POC1B: variants seen among roughly 807,000 people sequenced by gnomAD.
POC1B encodes the protein POC1 centriolar protein B.
In POC1B, 44 loss-of-function variants were observed where a neutral mutation model predicts 60.6. The ratio of observed to expected loss-of-function variants is 0.73; its 90% CI spans 0.57 to 0.93. The LOEUF (loss-of-function observed/expected upper bound fraction) is 0.93, where lower values mean the gene tolerates loss of function less well. Ranked by LOEUF, POC1B falls within the 40% of genes least tolerant of loss-of-function variation. POC1B has a pLI of 0.00. For missense variants in POC1B, 555 were observed against 572.3 expected (o/e 0.97, Z 0.31); for synonymous variants, 180 against 198.9 (o/e 0.90, Z 0.80).
intron 2 of POC1B, chr12:89,522,104 C>G: frequency 2.5e-6 from 1 of 398,964 alleles, no homozygotes; most frequent in Non-Finnish European, 4.4e-6. Flanking sequence ...TCAGAGGAAT[C>G]TGAGGTATTA....
intron 10 of POC1B, among the ~76,000 whole-genome samples, chr12:89,454,911 GC>G (rs1436337872): frequency 2.6e-5 from 4 of 151,602 alleles, no homozygotes; most frequent in Non-Finnish European, 5.9e-5. Flanking sequence ...GTGTGAGTAG[GC>G]ATCCTTCCTG....
At chr12:89,461,729 G>A (rs948969060) in intron 9 of POC1B, 1 of 152,114 alleles carries the variant, frequency 6.6e-6, no homozygotes, top group African/African-American at 2.4e-5. Flanking sequence ...AGTAAAGAAG[G>A]AATAAAGCTG....
At chr12:89,473,607 G>C (rs1292673552) in intron 4 of POC1B, among the ~76,000 whole-genome samples, 5 of 145,332 alleles carry the variant, frequency 3.4e-5, no homozygotes, top group African/African-American at 5.1e-5. Flanking sequence ...GTTGCAGTAA[G>C]CTGCGATTGT....
At chr12:89,502,423 C>T in intron 2 of POC1B, 1 of 1,405,478 alleles carries the variant, frequency 7.1e-7, no homozygotes, top group Non-Finnish European at 1.0e-6. Flanking sequence ...TAGTGGAATA[C>T]TATCTCCAGG....
intron 10 of POC1B, among the ~76,000 whole-genome samples, chr12:89,441,733 C>A (rs1324234170): frequency 1.3e-5 from 2 of 152,200 alleles, no homozygotes; most frequent in Non-Finnish European, 2.9e-5. Context: ...GAACGCAGCT[C>A]CTCGCCAGCA....
intron 4 of POC1B, among the ~76,000 whole-genome samples, chr12:89,487,181 G>T (rs951415195): frequency 2.6e-5 from 4 of 152,152 alleles, no homozygotes; most frequent in Non-Finnish European, 5.9e-5. Flanking sequence ...TCCAGGAGGG[G>T]ATGCTATGTT....
At chr12:89,512,663 G>A (rs573429891) in intron 2 of POC1B, among the ~76,000 whole-genome samples, 1 of 152,312 alleles carries the variant, frequency 6.6e-6, no homozygotes, top group South Asian at 2.1e-4. Flanking sequence ...GGCTGAGGGA[G>A]GCGGGCGGCT....
At chr12:89,481,341 A>C (rs1174483539) in intron 4 of POC1B, among the ~76,000 whole-genome samples, 1 of 152,184 alleles carries the variant, frequency 6.6e-6, no homozygotes, top group African/African-American at 2.4e-5. Context: ...CAACCATACA[A>C]CTGCCAAATA....
intron 2 of POC1B, chr12:89,524,827 A>C: frequency 1.6e-6 from 1 of 614,218 alleles, no homozygotes; most frequent in Admixed American, 3.0e-5. Context: ...CCCCGGGCCG[A>C]GGAGAAACCC....
intron 7 of POC1B, among the ~76,000 whole-genome samples, chr12:89,470,041 T>G (rs993044473): frequency 8.6e-5 from 13 of 152,014 alleles, no homozygotes; most frequent in Admixed American, 7.9e-4. Context: ...CTGGCTAATT[T>G]TTTGTATTTT....
rs1224601632 is a variant in POC1B at position 89,503,797 on chromosome 12, G to A, written c.101-6455C>T. Among the ~76,000 whole-genome samples, 1,163 of 131,888 alleles carry A rather than the reference G, an allele frequency of 8.8e-3. 58 individuals are homozygous for A. The highest frequency in any genetic ancestry group is 0.013 in the Non-Finnish European group (777 of 60,258). 86.5% of individuals were successfully genotyped at this position (131,888 alleles called of 152,430 possible). ...CATCTGAGAAGTGAGGAGCCCCTCC[G>A]CCCGGCAGCCGCCCCATCTGAGAAG... On this transcript the variant is annotated intron_variant, in intron 2 of 11. Coordinates refer to ENST00000313546, the MANE Select transcript of POC1B (RefSeq NM_172240.3).
At chr12:89,454,052 C>G (rs1485855543) in intron 10 of POC1B, among the ~76,000 whole-genome samples, 2 of 152,286 alleles carry the variant, frequency 1.3e-5, no homozygotes, top group East Asian at 3.9e-4. Context: ...GTGTGCTTCC[C>G]AAAGTCATGG....
the POC1B span, among the ~76,000 whole-genome samples, chr12:89,409,603 T>C: frequency 6.6e-6 from 1 of 151,920 alleles, no homozygotes; most frequent in Non-Finnish European, 1.5e-5. Context: ...ATAGACACAA[T>C]AAAAAATGAT....
rs60679774 is a variant in POC1B at position 89,514,402 on chromosome 12, C to CTTTTTTTTTTTTTTTTTTTTTTTTTT, written c.100+10717_100+10718insAAAAAAAAAAAAAAAAAAAAAAAAAA. ...ATAAGTTACTCAGTTTCATGTATTT[C>CTTTTTTTTTTTTTTTTTTTTTTTTTT]TTTTTTTTTTTTTTTTTTTTTTTTT... is the stretch of plus-strand genomic sequence containing the variant. On this transcript the variant is annotated intron_variant, in intron 2 of 11. Coordinates refer to ENST00000313546, the MANE Select transcript of POC1B (RefSeq NM_172240.3). 4.5e-5 allele frequency among the ~76,000 whole-genome samples: 3 copies of CTTTTTTTTTTTTTTTTTTTTTTTTTT among 67,094 alleles called. 1 individual carries two copies. Among genetic ancestry groups the CTTTTTTTTTTTTTTTTTTTTTTTTTT allele is most frequent in the Admixed American group, 4.6e-4 (2 of 4,324 alleles). 44.0% of individuals were successfully genotyped at this position (67,094 alleles called of 152,430 possible).
chr12:89,431,757 C>T (rs563480860), intron 10 of POC1B, among the ~76,000 whole-genome samples: 1 of 152,340 alleles, frequency 6.6e-6, no homozygotes, highest in Admixed American at 6.5e-5. Context: ...CCTACTGCTG[C>T]TGTAACAAAT....
chr12:89,401,650 A>T, the POC1B span, among the ~76,000 whole-genome samples: 1 of 152,104 alleles, frequency 6.6e-6, no homozygotes, highest in Non-Finnish European at 1.5e-5. Flanking sequence ...CAGTTCCCTC[A>T]CTGGAGGTTG....
chr12:89,453,192 T>C (rs967934211), intron 10 of POC1B, among the ~76,000 whole-genome samples: 2 of 152,248 alleles, frequency 1.3e-5, no homozygotes, highest in Admixed American at 6.5e-5. Flanking sequence ...GGGGAATGTT[T>C]TTAAATTGTT....
chr12:89,500,630 A>G, intron 2 of POC1B: 1 of 1,591,100 alleles, frequency 6.3e-7, no homozygotes. Flanking sequence ...TAGTGCCCAA[A>G]AGAGAGAGAC....
At chr12:89,437,910 T>A (rs1191785962) in intron 10 of POC1B, among the ~76,000 whole-genome samples, 1 of 150,036 alleles carries the variant, frequency 6.7e-6, no homozygotes, top group Non-Finnish European at 1.5e-5. Context: ...TAGCAGGGAG[T>A]GTTGGTGTGG....
Sources: allele counts gnomAD v4.1 joint callset (sites outside exome capture counted in the v4.1 genomes callset), GRCh38; gene constraint gnomAD v4.1.1; transcripts MANE v1.5; gene names NCBI Gene and HGNC (gene_info 2026-07-23, HGNC 2026-07-21).